The following FAM90A1 variants were observed in gnomAD, a reference collection of about 807,000 sequenced individuals.
FAM90A1 encodes the protein protein FAM90A1.
In FAM90A1, 10 loss-of-function variants were observed where a neutral mutation model predicts 14.8. The ratio of observed to expected loss-of-function variants is 0.67; its 90% CI spans 0.42 to 1.14. FAM90A1 has a LOEUF of 1.14. FAM90A1 is among the 50% of genes most tolerant of loss of function. FAM90A1 has a pLI of 0.00. For missense variants in FAM90A1, 567 were observed against 602.8 expected (o/e 0.94, Z 0.62); for synonymous variants, 236 against 248.4 (o/e 0.95, Z 0.47).
chr12:8,223,586 C>G (rs1297509463), intron 5 of FAM90A1, 29 bp from the exon 6 acceptor site: 2 of 1,300,512 alleles, frequency 1.5e-6, no homozygotes, highest in Non-Finnish European at 2.2e-6. Flanking sequence ...TCAGGCCGTC[C>G]TCCCTGGTTT....
chr12:8,225,333 G>A (rs1226017455), intron 3 of FAM90A1, among the ~76,000 whole-genome samples: 4 of 152,214 alleles, frequency 2.6e-5, no homozygotes, highest in African/African-American at 4.8e-5. Flanking sequence ...AACTTGAATC[G>A]CTACTCTTGC....
At position 8,224,820 on chromosome 12, in the gene FAM90A1, G is replaced by T. The variant is rs756033716; in HGVS notation, c.13C>A (p.Arg5Ser). Reference sequence around the variant, plus strand: ...CTCTTTGCCCCAGGTTTGGGGTCACGACGTGCCATCATCTTCGTCTCCTGG... The same window carrying T: ...CTCTTTGCCCCAGGTTTGGGGTCACTACGTGCCATCATCTTCGTCTCCTGG... The part of the protein sequence containing the change: MMAR[R>S]DPKPGAKRLV... Residue 5 changes from arginine (R) to serine (S), a missense_variant, in exon 4 of 7, where the codon CGT becomes AGT. Arg to Ser is a moderately radical substitution (Grantham distance 110, BLOSUM62 -1). Transcript: ENST00000538603. 6 of 1,608,668 alleles carry T rather than the reference G, an allele frequency of 3.7e-6. No individual in the cohort carries two copies. In the Admixed American group the frequency reaches 1.0e-4, roughly 27 times the overall value.
chr12:8,224,260 C>T (rs1445958872), intron 4 of FAM90A1, 45 bp from the exon 5 acceptor site: 1 of 1,477,704 alleles, frequency 6.8e-7, no homozygotes, highest in Non-Finnish European at 9.4e-7. Flanking sequence ...GCTGAAGCCA[C>T]AGGCACCGAT....
chr12:8,223,870 C>T (rs866266089), intron 5 of FAM90A1, 146 bp downstream of exon 5: 107 of 924,062 alleles, frequency 1.2e-4, no homozygotes, highest in Non-Finnish European at 1.7e-4. Flanking sequence ...TGTGGAACTC[C>T]GGAAGACACA....
Position 8,224,736 on chromosome 12 carries a change from G to T in FAM90A1, c.97C>A (p.Pro33Thr), listed in dbSNP as rs764756682. Reference protein sequence around the residue: ...QRRAPVGPRAPPPDEEDPRLK... With the variant: ...QRRAPVGPRATPPDEEDPRLK... ...CTGGGATCTTCTTCATCGGGCGGGGGAGCCCTTGGCCCAACTGGGGCCCTC... is the reference window on the plus strand; with the variant it reads ...CTGGGATCTTCTTCATCGGGCGGGGTAGCCCTTGGCCCAACTGGGGCCCTC... Residue 33 changes from proline (P) to threonine (T), a missense_variant, in exon 4 of 7, where the codon CCC becomes ACC. Physicochemically the swap from Pro to Thr is conservative, Grantham distance 38. Transcript: ENST00000538603. 2 of 1,590,136 alleles carry T rather than the reference G, an allele frequency of 1.3e-6. No individual in the cohort carries two copies. The highest frequency in any genetic ancestry group is 2.7e-5 in the African/African-American group (2 of 74,582).
intron 5 of FAM90A1, among the ~76,000 whole-genome samples, 153 bp from the exon 6 acceptor site, chr12:8,223,710 C>A (rs1193447571): frequency 1.3e-5 from 2 of 152,218 alleles, no homozygotes; most frequent in Non-Finnish European, 2.9e-5. Context: ...CACGTGCCAA[C>A]CTTCCCATCC....
At chr12:8,222,942 T>TGATCAGGACAA (rs1948867475) in intron 6 of FAM90A1, among the ~76,000 whole-genome samples, 158 bp from the exon 7 acceptor site, 1 of 152,244 alleles carries the variant, frequency 6.6e-6, no homozygotes, top group Admixed American at 6.5e-5. Context: ...ACCTGAGTGC[T>TGATCAGGACAA]GATCAGGACA....
chr12:8,222,550 G>C lies in FAM90A1; in HGVS notation c.667C>G (p.Leu223Val), dbSNP rs1332127328. 6.2e-7 allele frequency: 1 copy of C among 1,612,048 alleles called. No homozygotes were observed. Among genetic ancestry groups the C allele is most frequent in the Admixed American group, 1.7e-5 (1 of 60,024 alleles). ...CTGTGTGTCGGCTTCACCACGAGGA[G>C]AGGCTCGGGGCCCTGGTGCCTGACT... ...TAVRHQGPEP[L>V]LVVKPTHSSP... The change falls in exon 7 of 7, where the codon CTC becomes GTC. Residue 223 changes from leucine to valine, a missense_variant. By Grantham distance (32) the Leu-to-Val change is conservative. Coordinates refer to ENST00000538603, the MANE Select transcript of FAM90A1 (RefSeq NM_018088.3).
chr12:8,224,960 C>G (rs1272259140), intron 3 of FAM90A1, 72 bp from the exon 4 acceptor site: 5 of 1,190,570 alleles, frequency 4.2e-6, no homozygotes, highest in Non-Finnish European at 6.0e-6. Flanking sequence ...CAGGAAGCCC[C>G]CCGCTAATTC....
rs1222696812 is a variant in FAM90A1 at position 8,227,611 on chromosome 12, C to G, written c.-552G>C. Reference sequence around the variant, plus strand: ...CTGGAAGGGCCCGGATGGGGCCTGACTGGAGCTGCCGAGGGGTGGAGCTTC... The same window carrying G: ...CTGGAAGGGCCCGGATGGGGCCTGAGTGGAGCTGCCGAGGGGTGGAGCTTC... On this transcript the variant is annotated 5_prime_UTR_variant, in exon 1 of 7. Coordinates refer to ENST00000538603, the MANE Select transcript of FAM90A1 (RefSeq NM_018088.3). 6 of 1,564,006 alleles carry G rather than the reference C, an allele frequency of 3.8e-6. No individual in the cohort carries two copies. In the South Asian group the frequency reaches 6.8e-5, roughly 18 times the overall value.
chr12:8,225,332 C>T (rs1349865811), intron 3 of FAM90A1, among the ~76,000 whole-genome samples: 9 of 152,230 alleles, frequency 5.9e-5, no homozygotes, highest in South Asian at 2.1e-4. Context: ...CAACTTGAAT[C>T]GCTACTCTTG....
rs1350617629 is a variant in FAM90A1, at chr12:8,221,474, G to A, written c.*348C>T. ...AACTTTTCCCTTATTCAGTCGTCTAGAGAGCAAATACACAGTAATTCCCCC... is the reference window on the plus strand; with the variant it reads ...AACTTTTCCCTTATTCAGTCGTCTAAAGAGCAAATACACAGTAATTCCCCC... On this transcript the variant is annotated 3_prime_UTR_variant, in exon 7 of 7. Transcript: ENST00000538603. 47 of 407,316 alleles carry A rather than the reference G, an allele frequency of 1.2e-4. No homozygotes were observed. Among genetic ancestry groups the A allele is most frequent in the Admixed American group, 2.2e-4 (6 of 27,416 alleles). The allele number at this position is 407,316 out of a possible 1,614,324, so 25.2% of individuals were successfully genotyped here. A position where few individuals can be genotyped will look rare whatever the true frequency, so the allele number is the denominator to read the frequency against.
chr12:8,226,775 T>C (rs1042502223), intron 1 of FAM90A1, among the ~76,000 whole-genome samples: 2 of 151,688 alleles, frequency 1.3e-5, no homozygotes, highest in African/African-American at 4.9e-5. Flanking sequence ...AAGCATCTTT[T>C]TTTTTTTCTT....
intron 5 of FAM90A1, 131 bp downstream of exon 5, chr12:8,223,885 T>C: frequency 5.1e-6 from 5 of 988,266 alleles, no homozygotes; most frequent in Non-Finnish European, 6.1e-6. Flanking sequence ...GACACAGAGC[T>C]CCGGTCTGTT....
chr12:8,226,054 C>G (rs1165944266), intron 2 of FAM90A1, 62 bp from the exon 3 acceptor site: 2 of 152,024 alleles, frequency 1.3e-5, no homozygotes, highest in Non-Finnish European at 2.9e-5. Flanking sequence ...TTAACTTAAT[C>G]CAATTACATG....
intron 5 of FAM90A1, 151 bp from the exon 6 acceptor site, chr12:8,223,708 A>G (rs1948880943): frequency 1.5e-6 from 1 of 674,398 alleles, no homozygotes. Flanking sequence ...CTCACGTGCC[A>G]ACCTTCCCAT....
chr12:8,223,306 C>T (rs1298877481), intron 6 of FAM90A1, 143 bp downstream of exon 6: 7 of 628,770 alleles, frequency 1.1e-5, no homozygotes, highest in Non-Finnish European at 2.0e-5. Flanking sequence ...ATCAAATTGA[C>T]CTGGAAGGAT....
At position 8,222,752 on chromosome 12, in the gene FAM90A1, G is replaced by T. The variant is rs1217228045; in HGVS notation, c.465C>A (p.Thr155=). The T allele has an allele frequency of 2.2e-5, 35 of 1,601,926 alleles. No homozygotes were observed. The highest frequency in any genetic ancestry group is 2.9e-5 in the Non-Finnish European group (34 of 1,179,662). Residue 155 remains threonine, a synonymous_variant, in exon 7 of 7, where the codon ACC becomes ACA. Coordinates refer to ENST00000538603, the MANE Select transcript of FAM90A1 (RefSeq NM_018088.3). The stretch of plus-strand genomic sequence containing the variant: ...CAGGGTCCACACGCGGCCTCTTACT[G>T]GTTGTGTGGACCGGCATTGGCCCGC... The part of the protein sequence containing the change: ...VASGPMPVHT[T]SKRPRVDPVL...
chr12:8,226,292 A>G lies in FAM90A1; in HGVS notation c.-234T>C, dbSNP rs1443147555. 6.6e-6 allele frequency: 1 copy of G among 152,054 alleles called. No homozygotes were observed. Among genetic ancestry groups the G allele is most frequent in the Non-Finnish European group, 1.5e-5 (1 of 68,024 alleles). 9.4% of individuals were successfully genotyped at this position (152,054 alleles called of 1,614,324 possible). The stretch of plus-strand genomic sequence containing the variant: ...GACACCTTTTAATTGGACCATATTT[A>G]CTCTATCTCGACGTAGGCCTCCGTG... On this transcript the variant is annotated 5_prime_UTR_variant, in exon 2 of 7. Transcript: ENST00000538603.
Sources: gnomAD v4.1 joint callset for allele counts (sites outside exome capture counted in the v4.1 genomes callset) on GRCh38, gnomAD v4.1.1 for gene constraint, MANE v1.5 for transcripts, NCBI Gene and HGNC (gene_info 2026-07-23, HGNC 2026-07-21) for gene names.